SORBS2: variants seen among roughly 807,000 people sequenced by gnomAD.
SORBS2 encodes the protein sorbin and SH3 domain containing 2, also known as sorbin and SH3 domain-containing protein 2.
Under a neutral mutation model 97.7 loss-of-function variants are expected in SORBS2, and 46 were observed. The ratio of observed to expected loss-of-function variants is 0.47; its 90% CI spans 0.37 to 0.60. The LOEUF is 0.60. Among genes scored for constraint, SORBS2 ranks in the 20% least tolerant of loss-of-function variants. SORBS2 has a pLI of 0.00. For synonymous variants in SORBS2, 476 were observed against 473.4 expected, an observed-to-expected ratio of 1.01 and a Z score of -0.07; for missense variants, 1,316 against 1,282.3, an observed-to-expected ratio of 1.03 and a Z score of -0.40.
At position 185,756,989 on chromosome 4, in the gene SORBS2, G is replaced by A. The variant is rs367779449; in HGVS notation, c.-198+18238C>T. 3.8e-5 allele frequency: 52 copies of A among 1,373,596 alleles called. No individual in the cohort carries two copies. In the South Asian group the frequency reaches 5.0e-4, roughly 13 times the overall value. The allele number at this position is 1,373,596 out of a possible 1,614,324, so 85.1% of individuals were successfully genotyped here. ...ATTCACCCGCTCGCTCCTGGAGGAC[G>A]TTAACCAATTCTGCTATCACAAAGA... On this transcript the variant is annotated intron_variant, in intron 2 of 20. Coordinates refer to the SORBS2 transcript ENST00000284776.
Position 185,819,815 on chromosome 4 carries a change from T to G in SORBS2, c.-337-44449A>C, listed in dbSNP as rs2099195606. Among the ~76,000 whole-genome samples the G allele has an allele frequency of 2.6e-5, 4 of 152,200 alleles. No homozygotes were observed. The South Asian group carries it at 8.3e-4, about 31-fold the overall frequency. On this transcript the variant is annotated intron_variant, in intron 1 of 20. Coordinates refer to the SORBS2 transcript ENST00000284776. ...GACTCAAAGCATTGCCATCTCTCCT[T>G]ATACTGGTTTCATATCAATATCTCA...
At chr4:185,780,406 C>T (rs894920681) in intron 1 of SORBS2, among the ~76,000 whole-genome samples, 2 of 152,188 alleles carry the variant, frequency 1.3e-5, no homozygotes, top group African/African-American at 4.8e-5. Flanking sequence ...TAGCTCTGGG[C>T]ACGTAGCAAG....
At chr4:185,739,440 C>A (rs1164211014) in intron 2 of SORBS2, among the ~76,000 whole-genome samples, 1 of 152,176 alleles carries the variant, frequency 6.6e-6, no homozygotes, top group African/African-American at 2.4e-5. Flanking sequence ...ACTTAAAATG[C>A]ATGTATTTGT....
chr4:185,745,444 G>T (rs1009516229), intron 2 of SORBS2, among the ~76,000 whole-genome samples: 1 of 152,086 alleles, frequency 6.6e-6, no homozygotes, highest in East Asian at 1.9e-4. Context: ...ACTAATCATG[G>T]TCCAGACTTA....
chr4:185,797,979 G>A (rs978239580), intron 1 of SORBS2, among the ~76,000 whole-genome samples: 35 of 152,152 alleles, frequency 2.3e-4, no homozygotes, highest in Admixed American at 5.9e-4. Flanking sequence ...TTGTGATGCT[G>A]CGGGATTATC....
At chr4:185,605,247 T>A (rs1318111500) in intron 12 of SORBS2, among the ~76,000 whole-genome samples, 2 of 152,246 alleles carry the variant, frequency 1.3e-5, no homozygotes, top group Non-Finnish European at 2.9e-5. Context: ...GTAATTATAC[T>A]TGCTTCTTAA....
upstream of SORBS2, chr4:185,657,703 C>T (rs1472095086): frequency 5.1e-6 from 5 of 979,904 alleles, no homozygotes; most frequent in Non-Finnish European, 6.0e-6. Flanking sequence ...GACCATATTG[C>T]CATCACTGTC....
rs1041316657 is a variant in SORBS2 at position 185,845,814 on chromosome 4, C to T, written c.-337-70448G>A. On this transcript the variant is annotated intron_variant, in intron 1 of 20. Transcript: ENST00000284776. ...GATCTAAATATGGACATGATAAATG[C>T]TCAGTACCATTAATCATTAGGAAAA... Among the ~76,000 whole-genome samples, 7 of 152,306 alleles carry T rather than the reference C, an allele frequency of 4.6e-5. No individual in the cohort carries two copies. In the South Asian group the frequency reaches 8.3e-4, roughly 18 times the overall value.
chr4:185,646,633 G>T, intron 4 of SORBS2, 35 bp downstream of exon 13: 1 of 1,346,264 alleles, frequency 7.4e-7, no homozygotes, highest in Non-Finnish European at 1.1e-6. Flanking sequence ...GGAGCCCAGC[G>T]AGCTGGCATA....
At chr4:185,928,107 GA>G (rs34720066) in intron 1 of SORBS2, among the ~76,000 whole-genome samples, 47,238 of 151,408 alleles carry the variant, frequency 0.31, 8,233 homozygotes, top group East Asian at 0.53. Context: ...AAGAAGCATA[GA>G]AAAAAAAATA....
At chr4:185,672,525 G>A (rs527706135) in intron 4 of SORBS2, among the ~76,000 whole-genome samples, 9 of 152,266 alleles carry the variant, frequency 5.9e-5, no homozygotes, top group African/African-American at 1.9e-4. Context: ...AGTGCCATAA[G>A]GATAACATGC....
At chr4:185,685,096 TAATACTTAAC>T (rs1217790499) in intron 2 of SORBS2, among the ~76,000 whole-genome samples, 3 of 152,212 alleles carry the variant, frequency 2.0e-5, no homozygotes, top group Non-Finnish European at 2.9e-5. Context: ...ATGGAAGACT[TAATACTTAAC>T]ATTTTATGGT....
Position 185,885,702 on chromosome 4 carries a change from G to C in SORBS2, c.-338+70494C>G, listed in dbSNP as rs372148265. Among the ~76,000 whole-genome samples the C allele has an allele frequency of 1.2e-4, 19 of 152,284 alleles. No homozygotes were observed. In the East Asian group the frequency reaches 2.9e-3, roughly 23 times the overall value. On this transcript the variant is annotated intron_variant, in intron 1 of 20. Transcript: ENST00000284776. ...TATATAACAATGCATAAATGAACCT[G>C]AACACTTGGCTCTTTAAGATTCCTC...
chr4:185,845,248 C>A lies in SORBS2; in HGVS notation c.-337-69882G>T, dbSNP rs2133377. Among the ~76,000 whole-genome samples the A allele has an allele frequency of 5.9e-5, 9 of 151,942 alleles. No homozygotes were observed. The East Asian group carries it at 7.8e-4, about 13-fold the overall frequency. ...TTGCCCAGGTTGGTCTCCAACTTCC[C>A]GGCTCAAGCGATCCTCCCACCTTGG... On this transcript the variant is annotated intron_variant, in intron 1 of 20. Transcript: ENST00000284776.
intron 1 of SORBS2, among the ~76,000 whole-genome samples, chr4:185,893,231 T>G (rs184685140): frequency 6.6e-6 from 1 of 152,332 alleles, no homozygotes; most frequent in East Asian, 1.9e-4. Flanking sequence ...GATTGTCTTC[T>G]GCTGCCCTGT....
chr4:185,836,272 G>C (rs879377784), intron 1 of SORBS2, among the ~76,000 whole-genome samples: 2 of 152,164 alleles, frequency 1.3e-5, no homozygotes, highest in Non-Finnish European at 2.9e-5. Flanking sequence ...CTAACTGAAA[G>C]CTTTCCCTGT....
chr4:185,783,527 G>A (rs953439830), intron 1 of SORBS2, among the ~76,000 whole-genome samples: 1 of 152,174 alleles, frequency 6.6e-6, no homozygotes, highest in Non-Finnish European at 1.5e-5. Flanking sequence ...GAGAAGTCTG[G>A]AAGGGAATGC....
intron 1 of SORBS2, among the ~76,000 whole-genome samples, chr4:185,777,256 A>G (rs574546494): frequency 6.6e-6 from 1 of 152,296 alleles, no homozygotes; most frequent in Non-Finnish European, 1.5e-5. Context: ...TCTAGAATAA[A>G]GCATTTTTCT....
intron 12 of SORBS2, among the ~76,000 whole-genome samples, chr4:185,608,715 G>A (rs1042647105): frequency 7.2e-5 from 11 of 152,128 alleles, no homozygotes; most frequent in Non-Finnish European, 1.2e-4. Flanking sequence ...TACCCTTACC[G>A]GACTAGAGAA....
Sources: gnomAD v4.1 joint callset for allele counts (sites outside exome capture counted in the v4.1 genomes callset) on GRCh38, gnomAD v4.1.1 for gene constraint, MANE v1.5 for transcripts, NCBI Gene and HGNC (gene_info 2026-07-23, HGNC 2026-07-21) for gene names.